Variants in LONP2 observed in about 807,000 individuals in gnomAD.
The protein encoded by LONP2 is lon protease homolog 2, peroxisomal.
Under a neutral mutation model 85.6 loss-of-function variants are expected in LONP2, and 60 were observed. That is an observed-to-expected ratio of 0.70 (90% CI 0.57 to 0.87). LONP2 has a LOEUF of 0.87. Ranked by LOEUF, LONP2 falls within the 40% of genes least tolerant of loss-of-function variation. LONP2 has a pLI of 0.00. For missense variants in LONP2, 860 were observed against 1,063.5 expected (o/e 0.81, Z 2.66); for synonymous variants, 395 against 389.7 (o/e 1.01, Z -0.16).
intron 11 of LONP2, among the ~76,000 whole-genome samples, chr16:48,317,896 T>C (rs777504954): frequency 2.4e-4 from 37 of 152,196 alleles, no homozygotes; most frequent in Non-Finnish European, 5.0e-4. Flanking sequence ...TCAATATGGA[T>C]CCTATTTTGT....
intron 5 of LONP2, among the ~76,000 whole-genome samples, chr16:48,262,143 T>G (rs1189158905): frequency 2.0e-5 from 3 of 152,194 alleles, no homozygotes; most frequent in African/African-American, 7.2e-5. Context: ...CCTCTGACAT[T>G]AGTTAATATA....
chr16:48,362,485 TTATAAA>T lies in LONP2; in HGVS notation c.*625_*630del. 6.4e-7 allele frequency: 1 copy of T among 1,566,138 alleles called. No homozygotes were observed. ...AAAATAATTATAACCATGACTTACT[TTATAAA>T]TAATGTTTACATGCCATAAGTCCTT... On this transcript the variant is annotated 3_prime_UTR_variant, in exon 5 of 5. Coordinates refer to the LONP2 transcript ENST00000565867. This position sits in a 1 kb window ranked among gnomAD's most constrained non-coding sequence, Gnocchi z 4.2.
intron 1 of LONP2, chr16:48,247,367 C>G (rs1307863185): frequency 3.3e-5 from 5 of 152,508 alleles, no homozygotes; most frequent in African/African-American, 1.2e-4. Context: ...GTTCCTTTCT[C>G]TTGTTTCCTT....
rs926690811 is a variant in LONP2, at chr16:48,355,371, T to A, written c.*3569T>A. The A allele has an allele frequency of 6.6e-6, 1 of 152,182 alleles. No individual in the cohort carries two copies. Among genetic ancestry groups the A allele is most frequent in the Non-Finnish European group, 1.5e-5 (1 of 68,040 alleles). 9.4% of individuals were successfully genotyped at this position (152,182 alleles called of 1,614,324 possible). A position where few individuals can be genotyped will look rare whatever the true frequency, so the allele number is the denominator to read the frequency against. On this transcript the variant is annotated 3_prime_UTR_variant, in exon 15 of 15. Coordinates refer to ENST00000285737, the MANE Select transcript of LONP2 (RefSeq NM_031490.5). ...TGCCCTTCGATTCCCTTCCACCATA[T>A]GAGGACACAGCAACAGGCCCCGTCC...
intron 6 of LONP2, among the ~76,000 whole-genome samples, chr16:48,268,726 T>G (rs1359773530): frequency 6.6e-6 from 1 of 152,240 alleles, no homozygotes; most frequent in East Asian, 1.9e-4. Context: ...GGAAGAAATT[T>G]TAGTTGTTCT....
Position 48,338,297 on chromosome 16 carries a change from C to T in LONP2, c.1938+3939C>T, listed in dbSNP as rs1596998069. Among the ~76,000 whole-genome samples the T allele has an allele frequency of 2.0e-5, 3 of 152,252 alleles. No individual in the cohort carries two copies. In the East Asian group the frequency reaches 5.8e-4, roughly 29 times the overall value. Reference sequence around the variant, plus strand: ...TGCCTTCATGGATCCCACTTTAATGCAGGAAAACAATAGACAAGTAAACAA... The same window carrying T: ...TGCCTTCATGGATCCCACTTTAATGTAGGAAAACAATAGACAAGTAAACAA... On this transcript the variant is annotated intron_variant, in intron 12 of 14. Coordinates refer to ENST00000285737, the MANE Select transcript of LONP2 (RefSeq NM_031490.5).
At position 48,362,421 on chromosome 16, in the gene LONP2, C is replaced by T. The variant is rs765608115; in HGVS notation, c.*558C>T. ...GGTAGGTAATGCTGTAGCAGTCTGA[C>T]GGCTCATTTCTGAAATAAATACATA... On this transcript the variant is annotated 3_prime_UTR_variant, in exon 5 of 5. Transcript: ENST00000565867. The surrounding 1 kb of genome is among the most constrained non-coding windows in gnomAD (Gnocchi z 4.2). 2.5e-6 allele frequency: 4 copies of T among 1,613,948 alleles called. No individual in the cohort carries two copies. The highest frequency in any genetic ancestry group is 1.1e-5 in the South Asian group (1 of 91,036).
chr16:48,269,915 C>G, intron 6 of LONP2, 101 bp from the exon 7 acceptor site: 1 of 1,217,978 alleles, frequency 8.2e-7, no homozygotes, highest in East Asian at 2.5e-5. Context: ...CTTATCACAT[C>G]TATTTTCAAA....
intron 7 of LONP2, among the ~76,000 whole-genome samples, chr16:48,276,957 G>C (rs74016384): frequency 3.3e-5 from 5 of 152,132 alleles, no homozygotes; most frequent in Admixed American, 3.3e-4. Context: ...AGGTGGTTGC[G>C]TTGGGTAGGG....
At chr16:48,308,719 A>C (rs748360136) in intron 11 of LONP2, among the ~76,000 whole-genome samples, 3 of 152,114 alleles carry the variant, frequency 2.0e-5, no homozygotes, top group Non-Finnish European at 4.4e-5. Context: ...AATCTAGAAA[A>C]AATTCTTCTA....
chr16:48,325,721 T>C (rs563080954), intron 11 of LONP2, among the ~76,000 whole-genome samples: 163 of 152,360 alleles, frequency 1.1e-3, no homozygotes, highest in African/African-American at 3.6e-3. Context: ...GCAACAAACA[T>C]GGAAGTGCAG....
chr16:48,344,127 G>C (rs1158706323), intron 12 of LONP2: 1 of 152,172 alleles, frequency 6.6e-6, no homozygotes, highest in Non-Finnish European at 1.5e-5. Flanking sequence ...TAAGATGGCT[G>C]GAAAACTGTC....
Position 48,356,722 on chromosome 16 carries a change from T to G in LONP2, c.*4920T>G, listed in dbSNP as rs1046325940. 8.8e-6 allele frequency: 3 copies of G among 342,012 alleles called. No individual in the cohort carries two copies. Among genetic ancestry groups the G allele is most frequent in the African/African-American group, 6.5e-5 (3 of 46,164 alleles). The allele number at this position is 342,012 out of a possible 1,614,324, so 21.2% of individuals were successfully genotyped here. On this transcript the variant is annotated 3_prime_UTR_variant, in exon 15 of 15. Transcript: ENST00000285737. ...AACAGGCAAATATGGTGAGTGGTCA[T>G]TGAGATGTTTTAAAAGTTACAGCAA... is the stretch of plus-strand genomic sequence containing the variant.
intron 9 of LONP2, among the ~76,000 whole-genome samples, chr16:48,299,245 TG>T (rs1972746382): frequency 6.6e-6 from 1 of 152,124 alleles, no homozygotes; most frequent in South Asian, 2.1e-4. Context: ...TACTTAAATT[TG>T]TTCTAAATCT....
chr16:48,297,534 T>C (rs1477471504), intron 9 of LONP2, among the ~76,000 whole-genome samples: 1 of 152,164 alleles, frequency 6.6e-6, no homozygotes, highest in Non-Finnish European at 1.5e-5. Context: ...GGTCTTGAAC[T>C]CCTGACCTTA....
At chr16:48,330,588 T>C (rs1959406606) in intron 11 of LONP2, among the ~76,000 whole-genome samples, 1 of 152,140 alleles carries the variant, frequency 6.6e-6, no homozygotes, top group Admixed American at 6.5e-5. Context: ...ATTTTGCTTG[T>C]TGGTTGTTTG....
chr16:48,305,691 T>A (rs1003444942), intron 11 of LONP2, among the ~76,000 whole-genome samples: 1 of 152,186 alleles, frequency 6.6e-6, no homozygotes, highest in Non-Finnish European at 1.5e-5. Flanking sequence ...CACATCAACT[T>A]GTTGTTCTCT....
chr16:48,250,486 AAAAAAAC>A (rs909418934), intron 1 of LONP2, among the ~76,000 whole-genome samples: 17 of 152,118 alleles, frequency 1.1e-4, no homozygotes, highest in South Asian at 4.1e-4. Flanking sequence ...GTCTCAAAAA[AAAAAAAC>A]AAAAAACAAA....
chr16:48,324,635 A>G (rs1442625729), intron 11 of LONP2, among the ~76,000 whole-genome samples: 1 of 152,196 alleles, frequency 6.6e-6, no homozygotes, highest in African/African-American at 2.4e-5. Context: ...TTTTTCACAG[A>G]TGTTGATAAA....
Sources: gnomAD v4.1 joint callset for allele counts (sites outside exome capture counted in the v4.1 genomes callset) on GRCh38, gnomAD v4.1.1 for gene constraint, Gnocchi (gnomAD v3.1) non-coding constraint, MANE v1.5 for transcripts, NCBI Gene and HGNC (gene_info 2026-07-23, HGNC 2026-07-21) for gene names.